TRUB1: variants seen among roughly 807,000 people sequenced by gnomAD.
TRUB1 encodes pseudouridylate synthase TRUB1.
TRUB1 carries 23 observed loss-of-function variants against 33.9 expected under a neutral mutation model. The ratio of observed to expected loss-of-function variants is 0.68; its 90% CI spans 0.49 to 0.96. TRUB1 has a LOEUF of 0.96. Among genes scored for constraint, TRUB1 ranks in the 40% least tolerant of loss-of-function variants. The pLI is 0.00. For missense variants in TRUB1, 378 were observed against 422.2 expected (o/e 0.90, Z 0.92); for synonymous variants, 163 against 165.4 (o/e 0.99, Z 0.11).
At chr10:114,956,606 G>A (rs1366252324) in intron 3 of TRUB1, among the ~76,000 whole-genome samples, 1 of 152,164 alleles carries the variant, frequency 6.6e-6, no homozygotes, top group East Asian at 1.9e-4. Context: ...TCGGTTCGCA[G>A]GGTGTGGTCT....
chr10:114,951,738 CAAAG>C (rs2084236426), intron 3 of TRUB1, among the ~76,000 whole-genome samples: 1 of 151,874 alleles, frequency 6.6e-6, no homozygotes, highest in South Asian at 2.1e-4. Context: ...TTCCATCTCT[CAAAG>C]AGAGAGTAAT....
chr10:114,971,482 G>A (rs915780343), intron 5 of TRUB1, among the ~76,000 whole-genome samples: 7 of 151,852 alleles, frequency 4.6e-5, no homozygotes, highest in East Asian at 1.9e-4. Flanking sequence ...CTGAGGAGAC[G>A]CTTTTTAATG....
At chr10:114,950,776 G>A (rs2084231635) in intron 2 of TRUB1, among the ~76,000 whole-genome samples, 1 of 152,126 alleles carries the variant, frequency 6.6e-6, no homozygotes, top group East Asian at 1.9e-4. Context: ...TTTTTCACTG[G>A]TGCCCATATA....
intron 2 of TRUB1, among the ~76,000 whole-genome samples, chr10:114,945,972 G>T (rs1432233689): frequency 2.0e-5 from 3 of 152,186 alleles, no homozygotes; most frequent in Non-Finnish European, 4.4e-5. Flanking sequence ...TTCTTTTAAT[G>T]CATGTGATTT....
At chr10:114,940,653 C>T (rs1045127342) in intron 1 of TRUB1, among the ~76,000 whole-genome samples, 3 of 152,124 alleles carry the variant, frequency 2.0e-5, no homozygotes, top group African/African-American at 7.2e-5. Flanking sequence ...ACCAAATTCC[C>T]CACTTTATAT....
At chr10:114,961,631 C>G (rs1025178393) in intron 4 of TRUB1, among the ~76,000 whole-genome samples, 4 of 152,100 alleles carry the variant, frequency 2.6e-5, no homozygotes, top group Non-Finnish European at 5.9e-5. Context: ...AAACTAAGAA[C>G]GTTTTTCAGG....
At chr10:114,973,277 T>C (rs1424614165) in intron 6 of TRUB1, among the ~76,000 whole-genome samples, 1 of 152,206 alleles carries the variant, frequency 6.6e-6, no homozygotes, top group Non-Finnish European at 1.5e-5. Flanking sequence ...ACAGTAGATA[T>C]TCTCTATGAA....
intron 2 of TRUB1, among the ~76,000 whole-genome samples, chr10:114,944,078 C>A (rs1382783310): frequency 1.4e-5 from 2 of 140,116 alleles, no homozygotes; most frequent in Non-Finnish European, 3.0e-5. Context: ...TGTGTATACA[C>A]AGGCTAGGGT....
At chr10:114,946,828 G>T (rs1052312682) in intron 2 of TRUB1, among the ~76,000 whole-genome samples, 2 of 152,066 alleles carry the variant, frequency 1.3e-5, no homozygotes, top group East Asian at 1.9e-4. Context: ...ATTGCTAGAG[G>T]GTTCACAAGT....
chr10:114,938,732 T>G (rs770278863), intron 1 of TRUB1, among the ~76,000 whole-genome samples, 193 bp downstream of exon 1: 2 of 152,210 alleles, frequency 1.3e-5, no homozygotes, highest in African/African-American at 4.8e-5. Context: ...TGTAGCCTAC[T>G]TGGCAGTTGT....
rs1222081128 is a variant in TRUB1 at position 114,959,801 on chromosome 10, C to T, written c.517C>T (p.Pro173Ser). The T allele has an allele frequency of 6.3e-7, 1 of 1,597,894 alleles. No homozygotes were observed. Among genetic ancestry groups the T allele is most frequent in the African/African-American group, 1.3e-5 (1 of 74,464 alleles). ...TACGGGGAGGGTAACAGAAGAAAAA[C>T]CTTACGGTATGAAGCTCATCTAATG... ...DSTGRVTEEKPYDKITQEDIE... is the reference protein window; with the variant it reads ...DSTGRVTEEKSYDKITQEDIE... The change falls in exon 4 of 8, where the codon CCT (proline) becomes TCT (serine). Residue 173 changes from proline (P) to serine (S), a missense_variant. By Grantham distance (74) the Pro-to-Ser change is moderately conservative. Coordinates refer to ENST00000298746, the MANE Select transcript of TRUB1 (RefSeq NM_139169.5).
At chr10:114,948,275 A>G (rs1180252123) in intron 2 of TRUB1, among the ~76,000 whole-genome samples, 1 of 152,210 alleles carries the variant, frequency 6.6e-6, no homozygotes, top group Non-Finnish European at 1.5e-5. Context: ...CATCTCTCTC[A>G]GCACCTTTGG....
At chr10:114,970,780 G>T (rs772440955) in intron 5 of TRUB1, among the ~76,000 whole-genome samples, 2 of 152,204 alleles carry the variant, frequency 1.3e-5, no homozygotes, top group African/African-American at 2.4e-5. Flanking sequence ...GACCAGTCCC[G>T]TCTGGGAGGG....
At chr10:114,973,353 G>C (rs186543365) in intron 6 of TRUB1, among the ~76,000 whole-genome samples, 5 of 152,284 alleles carry the variant, frequency 3.3e-5, no homozygotes, top group Admixed American at 2.6e-4. Context: ...ACTAGGGAGA[G>C]TGTAACGGGC....
intron 2 of TRUB1, among the ~76,000 whole-genome samples, chr10:114,946,580 G>C (rs866030582): frequency 6.6e-6 from 1 of 152,118 alleles, no homozygotes; most frequent in East Asian, 1.9e-4. Context: ...GATCTCAAGT[G>C]ATCTGCCCAC....
At chr10:114,942,576 C>T in intron 1 of TRUB1, 69 bp from the exon 2 acceptor site, 2 of 1,078,712 alleles carry the variant, frequency 1.9e-6, no homozygotes, top group Non-Finnish European at 2.8e-6. Flanking sequence ...CCTTTTCCTC[C>T]CAAGTTTATG....
chr10:114,975,067 A>G lies in TRUB1; in HGVS notation c.794-56A>G, dbSNP rs543491294. 221 of 1,553,550 alleles carry G rather than the reference A, an allele frequency of 1.4e-4. No homozygotes were observed. The African/African-American group carries it at 2.6e-3, about 18-fold the overall frequency. On this transcript the variant is annotated intron_variant, in intron 7 of 7. Transcript: ENST00000298746. ...ACGGTCATTTGAACAATTACAGACT[A>G]TGAAATACTGAATCGTTTATCTTCT...
intron 3 of TRUB1, among the ~76,000 whole-genome samples, chr10:114,953,794 T>C (rs1434434787): frequency 6.6e-6 from 1 of 152,154 alleles, no homozygotes; most frequent in Non-Finnish European, 1.5e-5. Context: ...CTTGTGGCCA[T>C]GTCGCATGGT....
At position 114,944,196 on chromosome 10, in the gene TRUB1, A is replaced by G. The variant is rs567890003; in HGVS notation, c.385+1453A>G. On this transcript the variant is annotated intron_variant, in intron 2 of 7. Coordinates refer to ENST00000298746, the MANE Select transcript of TRUB1 (RefSeq NM_139169.5). ...ATGAGAAACAAACTTTTATGGAACAATACTTATCTTTTTACATGCTCTGGT... is the reference window on the plus strand; with the variant it reads ...ATGAGAAACAAACTTTTATGGAACAGTACTTATCTTTTTACATGCTCTGGT... Among the ~76,000 whole-genome samples, 5 of 151,998 alleles carry G rather than the reference A, an allele frequency of 3.3e-5. No homozygotes were observed. The South Asian group carries it at 1.0e-3, about 32-fold the overall frequency.
Sources: gnomAD v4.1 joint callset for allele counts (sites outside exome capture counted in the v4.1 genomes callset) on GRCh38, gnomAD v4.1.1 for gene constraint, MANE v1.5 for transcripts, NCBI Gene and HGNC (gene_info 2026-07-23, HGNC 2026-07-21) for gene names.